Variants in PDZRN4 observed in about 807,000 individuals in gnomAD.
The protein encoded by PDZRN4 is PDZ domain-containing RING finger protein 4.
Under a neutral mutation model 99.0 loss-of-function variants are expected in PDZRN4, and 70 were observed. The observed-to-expected ratio is 0.71, with a 90% CI of 0.58 to 0.86. The LOEUF (loss-of-function observed/expected upper bound fraction) is 0.86. PDZRN4 is among the 40% of genes least tolerant of loss of function. PDZRN4 has a pLI of 0.00. For missense variants in PDZRN4, 1,474 were observed against 1,331.2 expected, an observed-to-expected ratio of 1.11 and a Z score of -1.67; for synonymous variants, 551 against 501.6, an observed-to-expected ratio of 1.10 and a Z score of -1.32.
At chr12:41,499,206 C>A (rs1938067108) in intron 3 of PDZRN4, among the ~76,000 whole-genome samples, 1 of 151,802 alleles carries the variant, frequency 6.6e-6, no homozygotes, top group African/African-American at 2.4e-5. Context: ...TTGGCTTAAC[C>A]AAACAAAAAA....
Position 41,555,686 on chromosome 12 carries a change from T to G in PDZRN4, c.1303-12T>G. ...CATACCCAGTTGAAGATGTATGTCCTCTTCATTACAGGTTGACCCAAATAG... is the reference window on the plus strand; with the variant it reads ...CATACCCAGTTGAAGATGTATGTCCGCTTCATTACAGGTTGACCCAAATAG... On this transcript the variant is annotated splice_polypyrimidine_tract_variant and intron_variant, in intron 6 of 9. Coordinates refer to ENST00000402685, the MANE Select transcript of PDZRN4 (RefSeq NM_001164595.2). 6.2e-7 allele frequency: 1 copy of G among 1,611,360 alleles called. No individual in the cohort carries two copies.
chr12:41,354,258 G>T (rs1474973844), intron 3 of PDZRN4, among the ~76,000 whole-genome samples: 1 of 152,098 alleles, frequency 6.6e-6, no homozygotes, highest in African/African-American at 2.4e-5. Flanking sequence ...ATGAAGAATT[G>T]TAGAGTATTG....
chr12:41,315,109 C>T (rs1265583554), intron 3 of PDZRN4, among the ~76,000 whole-genome samples: 3 of 152,098 alleles, frequency 2.0e-5, no homozygotes, highest in Admixed American at 6.6e-5. Flanking sequence ...CTGAATTCCA[C>T]TCAGTTATAT....
chr12:41,250,472 A>G (rs1296881429), intron 3 of PDZRN4, among the ~76,000 whole-genome samples: 1 of 152,216 alleles, frequency 6.6e-6, no homozygotes, highest in African/African-American at 2.4e-5. Flanking sequence ...TCTCAAAATA[A>G]CCTCCATCAA....
At chr12:41,196,387 G>A (rs1166979701) in intron 3 of PDZRN4, among the ~76,000 whole-genome samples, 4 of 152,036 alleles carry the variant, frequency 2.6e-5, no homozygotes, top group African/African-American at 9.7e-5. Context: ...TTGATTTTAT[G>A]TATATATGCT....
chr12:41,548,428 C>T (rs1938994930), intron 5 of PDZRN4, among the ~76,000 whole-genome samples: 1 of 152,180 alleles, frequency 6.6e-6, no homozygotes. Context: ...ATATGATTAA[C>T]ACTCAGATTG....
intron 3 of PDZRN4, among the ~76,000 whole-genome samples, chr12:41,345,556 T>A (rs1479900869): frequency 6.6e-6 from 1 of 152,158 alleles, no homozygotes; most frequent in Non-Finnish European, 1.5e-5. Flanking sequence ...CAAATAAATG[T>A]TTTGTTGTCC....
chr12:41,285,073 C>T (rs919491862), intron 3 of PDZRN4, among the ~76,000 whole-genome samples: 3 of 151,994 alleles, frequency 2.0e-5, no homozygotes, highest in Non-Finnish European at 4.4e-5. Flanking sequence ...AACAGGCAAC[C>T]TACAGAATGG....
chr12:41,238,483 G>A (rs773300657), intron 3 of PDZRN4, among the ~76,000 whole-genome samples: 5 of 152,028 alleles, frequency 3.3e-5, no homozygotes, highest in Admixed American at 6.6e-5. Context: ...ATCTGACAAA[G>A]GTCTAATATC....
At chr12:41,561,972 G>A (rs907966873) in intron 7 of PDZRN4, among the ~76,000 whole-genome samples, 2 of 152,092 alleles carry the variant, frequency 1.3e-5, no homozygotes, top group African/African-American at 4.8e-5. Flanking sequence ...CTTGGAGTCA[G>A]TACACACATA....
chr12:41,299,187 G>T, intron 3 of PDZRN4, among the ~76,000 whole-genome samples: 1 of 151,990 alleles, frequency 6.6e-6, no homozygotes, highest in East Asian at 1.9e-4. Flanking sequence ...CCATTTTCTC[G>T]AGCTGCTTTA....
intron 3 of PDZRN4, among the ~76,000 whole-genome samples, chr12:41,344,723 AT>A (rs987145994): frequency 1.3e-5 from 2 of 148,738 alleles, no homozygotes; most frequent in Non-Finnish European, 3.0e-5. Context: ...TTAATTTTTC[AT>A]TTTTTGATGT....
chr12:41,517,857 C>A (rs1276404007), intron 5 of PDZRN4, among the ~76,000 whole-genome samples: 2 of 151,980 alleles, frequency 1.3e-5, no homozygotes, highest in Non-Finnish European at 2.9e-5. Context: ...TGTGTAGTAA[C>A]CATATATCTC....
intron 3 of PDZRN4, among the ~76,000 whole-genome samples, chr12:41,461,890 T>A (rs1412312335): frequency 6.6e-6 from 1 of 152,138 alleles, no homozygotes; most frequent in Non-Finnish European, 1.5e-5. Context: ...CCACTTCTCA[T>A]ATTTGCTTCA....
At chr12:41,339,873 A>G (rs1951803937) in intron 3 of PDZRN4, among the ~76,000 whole-genome samples, 1 of 152,100 alleles carries the variant, frequency 6.6e-6, no homozygotes, top group South Asian at 2.1e-4. Flanking sequence ...CTAAAATGAG[A>G]TATTATTTTA....
rs574935354 is a variant in PDZRN4 at position 41,342,123 on chromosome 12, T to C, written c.843+147935T>C. On this transcript the variant is annotated intron_variant, in intron 3 of 9. Transcript: ENST00000402685. ...AAAAGATAGTTTATTCAATAAATGG[T>C]GCTGGGGTAATTAGATATTCACATC... Among the ~76,000 whole-genome samples the C allele has an allele frequency of 1.3e-3, 192 of 152,036 alleles. 1 individual carries two copies. The highest frequency in any genetic ancestry group is 4.4e-3 in the African/African-American group (183 of 41,538).
At position 41,426,099 on chromosome 12, in the gene PDZRN4, C is replaced by T. The variant is rs74078827; in HGVS notation, c.844-80357C>T. Among the ~76,000 whole-genome samples the T allele has an allele frequency of 3.9e-3, 600 of 152,264 alleles. 2 individuals are homozygous for T. Among genetic ancestry groups the T allele is most frequent in the African/African-American group, 0.014 (582 of 41,550 alleles). The stretch of plus-strand genomic sequence containing the variant: ...TTTTTAAATCCATCAATGTATAATG[C>T]TTCTTAGTTAAGCTGAGGTGGACCC... On this transcript the variant is annotated intron_variant, in intron 3 of 9. Coordinates refer to ENST00000402685, the MANE Select transcript of PDZRN4 (RefSeq NM_001164595.2).
chr12:41,504,195 G>A (rs1271418678), intron 3 of PDZRN4, among the ~76,000 whole-genome samples: 4 of 152,184 alleles, frequency 2.6e-5, no homozygotes, highest in African/African-American at 7.2e-5. Context: ...TTGAACCTGG[G>A]AGGCGGAGGT....
rs763784359 is a variant in PDZRN4 at position 41,572,953 on chromosome 12, T to G, written c.2174T>G (p.Met725Arg). The stretch of plus-strand genomic sequence containing the variant: ...CAAAGGGGAAAGCTAGATGACATCA[T>G]GGAGCATCCAGAAAAGTCTGACAAG... ...DMQRGKLDDIMEHPEKSDKDS... is the reference protein window; with the variant it reads ...DMQRGKLDDIREHPEKSDKDS... The change falls in exon 10 of 10, where the codon ATG becomes AGG. Residue 725 changes from methionine to arginine, a missense_variant. Met to Arg is a moderately conservative substitution (Grantham distance 91). Transcript: ENST00000402685. 3 of 1,614,138 alleles carry G rather than the reference T, an allele frequency of 1.9e-6. No individual in the cohort carries two copies. The South Asian group carries it at 3.3e-5, about 18-fold the overall frequency.
Sources: allele counts gnomAD v4.1 joint callset (sites outside exome capture counted in the v4.1 genomes callset), GRCh38; gene constraint gnomAD v4.1.1; transcripts MANE v1.5; gene names NCBI Gene and HGNC (gene_info 2026-07-23, HGNC 2026-07-21).